Variants in ACER3 observed in about 807,000 individuals in gnomAD.
ACER3 encodes the protein alkCDase 3.
ACER3 carries 16 observed loss-of-function variants against 48.9 expected under a neutral mutation model. The observed-to-expected ratio is 0.33, with a 90% CI of 0.22 to 0.50. The LOEUF is 0.50. Among genes scored for constraint, ACER3 ranks in the 20% least tolerant of loss-of-function variants. The probability of loss-of-function intolerance (pLI) is 0.98; values close to 1 mark genes in which losing one functional copy is unlikely to be tolerated. For missense variants in ACER3, 227 were observed against 326.0 expected (o/e 0.70, Z 2.34); for synonymous variants, 109 against 107.8 (o/e 1.01, Z -0.07).
chr11:76,947,887 G>A (rs1278963452), intron 2 of ACER3, among the ~76,000 whole-genome samples: 2 of 152,022 alleles, frequency 1.3e-5, no homozygotes, highest in Non-Finnish European at 2.9e-5. Context: ...CCAAACCCAC[G>A]GACAGGACCA....
intron 2 of ACER3, among the ~76,000 whole-genome samples, chr11:76,952,139 TAC>T (rs71272233): frequency 0.021 from 1,507 of 72,638 alleles, 21 homozygotes; most frequent in Middle Eastern, 0.057. Flanking sequence ...TATATATATA[TAC>T]ACACACACAC....
chr11:77,014,590 TC>T (rs1555022877), intron 7 of ACER3, among the ~76,000 whole-genome samples: 1 of 152,222 alleles, frequency 6.6e-6, no homozygotes, highest in African/African-American at 2.4e-5. Flanking sequence ...CCCTGCCTTT[TC>T]CATGGGACCA....
intron 1 of ACER3, among the ~76,000 whole-genome samples, chr11:76,877,731 A>C (rs560138255): frequency 2.6e-5 from 4 of 152,220 alleles, no homozygotes; most frequent in South Asian, 4.1e-4. Flanking sequence ...TCATTGAAGA[A>C]ACATTTAGCA....
intron 9 of ACER3, among the ~76,000 whole-genome samples, chr11:77,017,066 G>A (rs2135331060): frequency 6.6e-6 from 1 of 152,190 alleles, no homozygotes; most frequent in African/African-American, 2.4e-5. Flanking sequence ...AAGGAAGAGA[G>A]ATCTCAATGA....
At chr11:76,874,175 G>A (rs1042010447) in intron 1 of ACER3, among the ~76,000 whole-genome samples, 1 of 152,170 alleles carries the variant, frequency 6.6e-6, no homozygotes, top group Non-Finnish European at 1.5e-5. Context: ...CATTGGACTT[G>A]GAATCAGAAT....
intron 5 of ACER3, among the ~76,000 whole-genome samples, chr11:76,989,886 C>G (rs1417822283): frequency 1.3e-5 from 2 of 152,186 alleles, no homozygotes; most frequent in Non-Finnish European, 2.9e-5. Context: ...GCTTAATCAT[C>G]CACATGACAT....
At chr11:76,918,305 G>C (rs904452332) in intron 1 of ACER3, among the ~76,000 whole-genome samples, 1 of 151,736 alleles carries the variant, frequency 6.6e-6, no homozygotes, top group Non-Finnish European at 1.5e-5. Context: ...GCTACTGGAA[G>C]GAGTCCCTTG....
At chr11:76,966,478 C>G (rs1286411891) in intron 3 of ACER3, among the ~76,000 whole-genome samples, 2 of 150,852 alleles carry the variant, frequency 1.3e-5, no homozygotes, top group East Asian at 3.9e-4. Context: ...ATCTACAGAA[C>G]TCTCCACCCC....
intron 4 of ACER3, among the ~76,000 whole-genome samples, chr11:76,984,605 A>G (rs1948649195): frequency 6.6e-6 from 1 of 152,208 alleles, no homozygotes. Context: ...TTGCTTATTT[A>G]CCGGATACCT....
intron 6 of ACER3, among the ~76,000 whole-genome samples, chr11:76,993,972 A>G (rs1234751215): frequency 6.6e-6 from 1 of 152,226 alleles, no homozygotes; most frequent in Non-Finnish European, 1.5e-5. Flanking sequence ...GTTAAGGTAC[A>G]GAAGTGTGAA....
intron 4 of ACER3, 145 bp downstream of exon 4, chr11:76,976,486 A>G (rs1948447237): frequency 5.6e-6 from 3 of 533,984 alleles, no homozygotes; most frequent in Admixed American, 4.0e-5. Context: ...AATATAGAGT[A>G]TAATTTCTGG....
chr11:76,939,176 A>G (rs1343432724), intron 2 of ACER3, among the ~76,000 whole-genome samples: 1 of 152,232 alleles, frequency 6.6e-6, no homozygotes, highest in Non-Finnish European at 1.5e-5. Context: ...TAATAAATGT[A>G]AACAGAATGA....
At chr11:76,884,017 G>T (rs968020533) in intron 1 of ACER3, among the ~76,000 whole-genome samples, 14 of 152,176 alleles carry the variant, frequency 9.2e-5, no homozygotes, top group African/African-American at 3.1e-4. Context: ...TAAGTGTTCA[G>T]CATGATCACT....
At chr11:76,886,343 T>C (rs1488953636) in intron 1 of ACER3, among the ~76,000 whole-genome samples, 5 of 152,198 alleles carry the variant, frequency 3.3e-5, no homozygotes, top group Admixed American at 2.0e-4. Context: ...TGTGTTAGCC[T>C]TGTAGACCAT....
At chr11:76,883,590 G>A (rs1945591604) in intron 1 of ACER3, among the ~76,000 whole-genome samples, 1 of 151,940 alleles carries the variant, frequency 6.6e-6, no homozygotes. Flanking sequence ...GATTACAGGT[G>A]TGTGCTACCA....
At position 77,016,683 on chromosome 11, in the gene ACER3, G is replaced by T; in HGVS notation, c.608G>T (p.Arg203Leu). The T allele has an allele frequency of 6.4e-7, 1 of 1,567,948 alleles. No individual in the cohort carries two copies. Among genetic ancestry groups the T allele is most frequent in the Non-Finnish European group, 8.7e-7 (1 of 1,153,518 alleles). ...NIFCESLRNFRKKVPPIIGIT... is the reference protein window; with the variant it reads ...NIFCESLRNFLKKVPPIIGIT... ...TCCCTCTCTCCACACAGGAACTTTC[G>T]AAAGAAGGTACCACCTATCATAGGT... Residue 203 changes from arginine to leucine, a missense_variant, in exon 9 of 11, where the codon CGA becomes CTA. This residue lies in a region of ACER3 where 195 missense variants were observed against 290.8 expected (regional missense o/e 0.67). Transcript: ENST00000532485.
At chr11:76,880,504 C>A (rs1249559180) in intron 1 of ACER3, among the ~76,000 whole-genome samples, 1 of 152,194 alleles carries the variant, frequency 6.6e-6, no homozygotes, top group Non-Finnish European at 1.5e-5. Flanking sequence ...TCCCACAAGA[C>A]CGTCCTCCAC....
intron 1 of ACER3, among the ~76,000 whole-genome samples, chr11:76,924,839 G>A (rs1349471930): frequency 6.6e-6 from 1 of 151,906 alleles, no homozygotes; most frequent in Non-Finnish European, 1.5e-5. Flanking sequence ...AGCTGGGCAT[G>A]ATGGCATGCA....
At chr11:76,868,383 CTCTCTCTCTGTGTGTG>C (rs1234667349) in intron 1 of ACER3, 9 of 526,246 alleles carry the variant, frequency 1.7e-5, no homozygotes, top group Admixed American at 4.2e-5. Context: ...ATATCTCTCT[CTCTCTCTCTGTGTGTG>C]TGTGTGTGTG....
Sources: allele counts gnomAD v4.1 joint callset (sites outside exome capture counted in the v4.1 genomes callset), GRCh38; gene constraint gnomAD v4.1.1; regional missense constraint gnomAD v4.1.1; transcripts MANE v1.5; gene names NCBI Gene and HGNC (gene_info 2026-07-23, HGNC 2026-07-21).